AGAP1: variants seen among roughly 807,000 people sequenced by gnomAD.
AGAP1 encodes ArfGAP with GTPase domain, ankyrin repeat and PH domain 1.
Under a neutral mutation model 105.3 loss-of-function variants are expected in AGAP1, and 29 were observed. That is an observed-to-expected ratio of 0.28 (90% CI 0.21 to 0.38). The LOEUF (loss-of-function observed/expected upper bound fraction) is 0.38. AGAP1 is among the 10% of genes least tolerant of loss of function. The probability of loss-of-function intolerance (pLI) is 1.00; values close to 1 mark genes in which losing one functional copy is unlikely to be tolerated. For missense variants in AGAP1, 998 were observed against 1,165.1 expected (o/e 0.86, Z 2.09); for synonymous variants, 509 against 485.9 (o/e 1.05, Z -0.63).
At chr2:235,541,642 G>A (rs1269040568) in intron 1 of AGAP1, among the ~76,000 whole-genome samples, 3 of 151,902 alleles carry the variant, frequency 2.0e-5, no homozygotes, top group Non-Finnish European at 2.9e-5. Flanking sequence ...GCCCGCCTCC[G>A]CCTCCCAAAG....
At chr2:235,949,151 A>T (rs1303522216) in intron 12 of AGAP1, among the ~76,000 whole-genome samples, 3 of 152,214 alleles carry the variant, frequency 2.0e-5, no homozygotes, top group African/African-American at 4.8e-5. Context: ...CCTGATGTGC[A>T]GTCAAATACA....
At chr2:236,006,062 T>C (rs1365956947) in intron 13 of AGAP1, among the ~76,000 whole-genome samples, 1 of 152,176 alleles carries the variant, frequency 6.6e-6, no homozygotes, top group African/African-American at 2.4e-5. Context: ...CTCCCCCATT[T>C]ATGACTATAT....
chr2:235,571,961 TAC>T (rs1944534090), intron 1 of AGAP1, among the ~76,000 whole-genome samples: 1 of 109,608 alleles, frequency 9.1e-6, no homozygotes, highest in African/African-American at 4.0e-5. Flanking sequence ...TGTGTGTGTA[TAC>T]ATATATATGT....
Position 235,957,577 on chromosome 2 carries a change from T to C in AGAP1, c.1484-10885T>C, listed in dbSNP as rs1347961935. Among the ~76,000 whole-genome samples, 1 of 152,144 alleles carries C rather than the reference T, an allele frequency of 6.6e-6. No homozygotes were observed. The highest frequency in any genetic ancestry group is 6.5e-5 in the Admixed American group (1 of 15,270). On this transcript the variant is annotated intron_variant, in intron 12 of 17. Transcript: ENST00000304032. This position sits in a 1 kb window ranked among gnomAD's most constrained non-coding sequence, Gnocchi z 4.6. ...AAGTCAACCTCCTCCCGCTGAAAGC[T>C]CCCGTCAAAAGGACTATGCGAAGGG...
intron 1 of AGAP1, among the ~76,000 whole-genome samples, chr2:235,533,374 A>T (rs1330899392): frequency 6.6e-6 from 1 of 152,200 alleles, no homozygotes; most frequent in Non-Finnish European, 1.5e-5. Context: ...CTTAATGACT[A>T]ATTTTTCTGG....
Position 235,740,908 on chromosome 2 carries a change from G to T in AGAP1, c.311-55G>T. The T allele has an allele frequency of 1.2e-6, 2 of 1,609,704 alleles. No individual in the cohort carries two copies. The highest frequency in any genetic ancestry group is 1.7e-6 in the Non-Finnish European group (2 of 1,176,454). ...CCACAAGCGAAGCCCACGTCTGTCT[G>T]CCCTCCTCACTCTCTGTTGTTCTCG... On this transcript the variant is annotated intron_variant, in intron 3 of 17. Transcript: ENST00000304032. This position sits in a 1 kb window ranked among gnomAD's most constrained non-coding sequence, Gnocchi z 5.7.
In AGAP1 at chr2:235,705,544, T is replaced by C. The variant is rs1950495361; in HGVS notation, c.164-3635T>C. On this transcript the variant is annotated intron_variant, in intron 1 of 17. Transcript: ENST00000304032. This position sits in a 1 kb window ranked among gnomAD's most constrained non-coding sequence, Gnocchi z 4.9. ...GCCAGCACAGTGTCCAGCCCACAGA[T>C]AGGTCCCTGTAGTGGAGTAGGAGGA... 6.6e-6 allele frequency among the ~76,000 whole-genome samples: 1 copy of C among 152,212 alleles called. No homozygotes were observed. The highest frequency in any genetic ancestry group is 2.4e-5 in the African/African-American group (1 of 41,456).
chr2:235,631,343 A>G lies in AGAP1; in HGVS notation c.164-77836A>G, dbSNP rs192244324. On this transcript the variant is annotated intron_variant, in intron 1 of 17. Transcript: ENST00000304032. This position sits in a 1 kb window ranked among gnomAD's most constrained non-coding sequence, Gnocchi z 5.4. The stretch of plus-strand genomic sequence containing the variant: ...GTCAAGCATGGCGCAAGGAAGGACG[A>G]TGGATTAGCCAACCATGACCGGCCA... 1.3e-5 allele frequency among the ~76,000 whole-genome samples: 2 copies of G among 152,320 alleles called. No individual in the cohort carries two copies. The highest frequency in any genetic ancestry group is 3.9e-4 in the East Asian group (2 of 5,148).
At chr2:235,709,300 C>G (rs1204260524) in intron 2 of AGAP1, 63 bp downstream of exon 2, 12 of 1,563,262 alleles carry the variant, frequency 7.7e-6, no homozygotes, top group Admixed American at 1.7e-5. Context: ...ACACCCAAGC[C>G]TGCATTCCCA....
In AGAP1 at chr2:235,620,762, C is replaced by A. The variant is rs1177705378; in HGVS notation, c.164-88417C>A. On this transcript the variant is annotated intron_variant, in intron 1 of 17. Coordinates refer to ENST00000304032, the MANE Select transcript of AGAP1 (RefSeq NM_001037131.3). This position sits in a 1 kb window ranked among gnomAD's most constrained non-coding sequence, Gnocchi z 4.5. ...GCACCTAGACAGGACCTAGCCAATGCTAGGCCCTTTGTCGATGTTCGTTAG... is the reference window on the plus strand; with the variant it reads ...GCACCTAGACAGGACCTAGCCAATGATAGGCCCTTTGTCGATGTTCGTTAG... Among the ~76,000 whole-genome samples, 1 of 152,226 alleles carries A rather than the reference C, an allele frequency of 6.6e-6. No individual in the cohort carries two copies. Among genetic ancestry groups the A allele is most frequent in the Non-Finnish European group, 1.5e-5 (1 of 68,042 alleles).
chr2:235,761,488 C>CT (rs1954434171), intron 6 of AGAP1, among the ~76,000 whole-genome samples: 1 of 152,202 alleles, frequency 6.6e-6, no homozygotes, highest in African/African-American at 2.4e-5. Flanking sequence ...CTTCTCTGCA[C>CT]TGCGGTATCA....
Position 235,952,323 on chromosome 2 carries a change from A to G in AGAP1, c.1484-16139A>G, listed in dbSNP as rs1434462030. Among the ~76,000 whole-genome samples the G allele has an allele frequency of 2.6e-5, 4 of 152,178 alleles. No individual in the cohort carries two copies. The East Asian group carries it at 7.7e-4, about 29-fold the overall frequency. On this transcript the variant is annotated intron_variant, in intron 12 of 17. Transcript: ENST00000304032. The stretch of plus-strand genomic sequence containing the variant: ...CAGGAGAGAAAAATATTTTCTTTTC[A>G]GTGTCTGTCAAAGAAGTTATAACAT...
intron 2 of AGAP1, among the ~76,000 whole-genome samples, chr2:235,717,085 C>T (rs1400528597): frequency 6.6e-6 from 1 of 152,128 alleles, no homozygotes; most frequent in Admixed American, 6.5e-5. Context: ...TTTTCTGCTC[C>T]TGTTGTCCTG....
intron 13 of AGAP1, among the ~76,000 whole-genome samples, chr2:236,030,036 C>A (rs1264977448): frequency 6.6e-6 from 1 of 152,222 alleles, no homozygotes; most frequent in Non-Finnish European, 1.5e-5. Flanking sequence ...TTGCACCTGG[C>A]CTGTGTTTCA....
rs1944790049 is a variant in AGAP1 at position 235,577,931 on chromosome 2, C to T, written c.163+83082C>T. 6.6e-6 allele frequency among the ~76,000 whole-genome samples: 1 copy of T among 152,114 alleles called. No individual in the cohort carries two copies. Reference sequence around the variant, plus strand: ...CTGAGCGGGGCTGTTTGTTGAGGCTCCTGATGCAGACAAGGGAGCAGTGTC... The same window carrying T: ...CTGAGCGGGGCTGTTTGTTGAGGCTTCTGATGCAGACAAGGGAGCAGTGTC... On this transcript the variant is annotated intron_variant, in intron 1 of 17. Transcript: ENST00000304032. The surrounding 1 kb of genome is among the most constrained non-coding windows in gnomAD (Gnocchi z 4.5).
Position 235,793,116 on chromosome 2 carries a change from C to G in AGAP1, c.674-4643C>G, listed in dbSNP as rs1957074744. Among the ~76,000 whole-genome samples the G allele has an allele frequency of 6.6e-6, 1 of 152,172 alleles. No individual in the cohort carries two copies. The highest frequency in any genetic ancestry group is 2.1e-4 in the South Asian group (1 of 4,830). On this transcript the variant is annotated intron_variant, in intron 6 of 17. Transcript: ENST00000304032. This position sits in a 1 kb window ranked among gnomAD's most constrained non-coding sequence, Gnocchi z 5.3. The stretch of plus-strand genomic sequence containing the variant: ...AGGGAATGACGAGGAACGCCACATG[C>G]TGCTCAGAGGTCCAGGAAGGTGCGA...
chr2:236,108,679 G>A (rs561571820), intron 16 of AGAP1, among the ~76,000 whole-genome samples: 2 of 152,146 alleles, frequency 1.3e-5, no homozygotes, highest in Non-Finnish European at 2.9e-5. Flanking sequence ...CTTTCGGGAA[G>A]GGGTGTTGCT....
At chr2:235,785,644 C>A (rs1347180392) in intron 6 of AGAP1, among the ~76,000 whole-genome samples, 3 of 151,840 alleles carry the variant, frequency 2.0e-5, no homozygotes, top group Non-Finnish European at 4.4e-5. Context: ...TAGCATAATC[C>A]ATTTTTCTTT....
chr2:235,568,615 A>C (rs1197216929), intron 1 of AGAP1, among the ~76,000 whole-genome samples: 1 of 152,164 alleles, frequency 6.6e-6, no homozygotes, highest in Non-Finnish European at 1.5e-5. Context: ...TGCCGGTTGT[A>C]AAAGGAAGCA....
Sources: allele counts gnomAD v4.1 joint callset (sites outside exome capture counted in the v4.1 genomes callset), GRCh38; gene constraint gnomAD v4.1.1; non-coding constraint Gnocchi (gnomAD v3.1); transcripts MANE v1.5; gene names NCBI Gene and HGNC (gene_info 2026-07-23, HGNC 2026-07-21).